TRIM14: variants seen among roughly 807,000 people sequenced by gnomAD.
TRIM14 encodes tripartite motif-containing protein 14.
A neutral mutation model predicts 44.5 loss-of-function variants in TRIM14; 28 were observed. The ratio of observed to expected loss-of-function variants is 0.63; its 90% CI spans 0.47 to 0.86. The LOEUF is 0.86. Ranked by LOEUF, TRIM14 falls within the 40% of genes least tolerant of loss-of-function variation. The pLI is 0.00. For missense variants in TRIM14, 607 were observed against 611.1 expected (o/e 0.99, Z 0.07); for synonymous variants, 299 against 269.2 (o/e 1.11, Z -1.08).
downstream of TRIM14, among the ~76,000 whole-genome samples, chr9:98,066,067 C>T (rs1829138516): frequency 6.6e-6 from 1 of 152,128 alleles, no homozygotes; most frequent in African/African-American, 2.4e-5. Flanking sequence ...GTTTTGTCAT[C>T]CCTCCTCCTC....
the TRIM14 span, among the ~76,000 whole-genome samples, chr9:98,037,407 TGAA>T: frequency 6.6e-6 from 1 of 151,548 alleles, no homozygotes; most frequent in Non-Finnish European, 1.5e-5. Flanking sequence ...AAAAAGTGGG[TGAA>T]GAAGAGGGTC....
At chr9:98,106,763 G>C (rs188290954) in intron 2 of TRIM14, among the ~76,000 whole-genome samples, 1 of 151,168 alleles carries the variant, frequency 6.6e-6, no homozygotes, top group Non-Finnish European at 1.5e-5. Flanking sequence ...TCCCCAAATT[G>C]ATAAACAGGT....
At position 98,073,625 on chromosome 9, in the gene TRIM14, C is replaced by A. The variant is rs41340647; in HGVS notation, c.*29-3938G>T. Among the ~76,000 whole-genome samples, 939 of 150,412 alleles carry A rather than the reference C, an allele frequency of 6.2e-3. 5 individuals carry two copies. Among genetic ancestry groups the A allele is most frequent in the African/African-American group, 0.022 (890 of 40,880 alleles). The stretch of plus-strand genomic sequence containing the variant: ...TTTTCCAATCCTGAAGGATCCAAAA[C>A]CTGAGGGGAGAGGAAGGGACTTTAG... On this transcript the variant is annotated intron_variant, in intron 6 of 6. Transcript: ENST00000375098.
chr9:98,087,902 G>C lies in TRIM14; in HGVS notation c.897C>G (p.Pro299=), dbSNP rs1054171094. ...GCGCGTCGAACCGCAGCACGGGCACGGGCCCCAGGCTGCCCAGCAGGCCGC... is the reference window on the plus strand; with the variant it reads ...GCGCGTCGAACCGCAGCACGGGCACCGGCCCCAGGCTGCCCAGCAGGCCGC... ...VRCGLLGSLG[P]VPVLRFDALW... is the part of the protein sequence containing the mutation. The change falls in exon 6 of 6, where the codon CCC becomes CCG. Residue 299 remains proline (P), a synonymous_variant. Transcript: ENST00000341469. 3.2e-6 allele frequency: 5 copies of C among 1,569,680 alleles called. No homozygotes were observed. Among genetic ancestry groups the C allele is most frequent in the East Asian group, 4.8e-5 (2 of 41,720 alleles).
intron 5 of TRIM14, among the ~76,000 whole-genome samples, chr9:98,088,919 G>T (rs4742715): frequency 0.55 from 83,501 of 151,384 alleles, 26,107 homozygotes; most frequent in African/African-American, 0.86. Flanking sequence ...AGTTTTTTTT[G>T]TTGTTGTTGT....
chr9:98,089,420 G>A (rs930945583), intron 5 of TRIM14, among the ~76,000 whole-genome samples: 1 of 152,052 alleles, frequency 6.6e-6, no homozygotes, highest in African/African-American at 2.4e-5. Flanking sequence ...CCGGTGATCC[G>A]CCTGCCTCAG....
the TRIM14 span, among the ~76,000 whole-genome samples, chr9:98,044,279 G>A: frequency 4.6e-5 from 7 of 151,606 alleles, no homozygotes; most frequent in South Asian, 1.5e-3. Context: ...GCCGTTGCAC[G>A]TCATGAGGGT....
chr9:98,098,293 G>C (rs1826255776), intron 3 of TRIM14, among the ~76,000 whole-genome samples: 1 of 152,192 alleles, frequency 6.6e-6, no homozygotes, highest in African/African-American at 2.4e-5. Context: ...ATTTGGCTCT[G>C]AACTTCCCAA....
At chr9:98,110,008 A>C in intron 1 of TRIM14, 24 bp from the exon 2 acceptor site, 1 of 1,583,954 alleles carries the variant, frequency 6.3e-7, no homozygotes, top group Non-Finnish European at 8.7e-7. Context: ...AGTTAGGAAA[A>C]AAGTCGTAAT....
intron 3 of TRIM14, among the ~76,000 whole-genome samples, chr9:98,097,964 G>A (rs559347331): frequency 6.6e-6 from 1 of 152,306 alleles, no homozygotes; most frequent in African/African-American, 2.4e-5. Context: ...TCAAACAGCT[G>A]ACAATGAGAC....
intron 1 of TRIM14, among the ~76,000 whole-genome samples, chr9:98,111,385 C>T (rs1386807616): frequency 1.3e-5 from 2 of 151,888 alleles, no homozygotes; most frequent in Non-Finnish European, 1.5e-5. Context: ...CCAGCCTGAG[C>T]AACATAGCTA....
intron 2 of TRIM14, among the ~76,000 whole-genome samples, chr9:98,108,496 C>T (rs907776189): frequency 3.4e-4 from 51 of 152,182 alleles, no homozygotes; most frequent in African/African-American, 1.1e-3. Context: ...AGACTAGACC[C>T]TCCACATGGG....
intron 2 of TRIM14, among the ~76,000 whole-genome samples, chr9:98,102,560 C>T (rs1353000639): frequency 6.6e-6 from 1 of 152,116 alleles, no homozygotes; most frequent in East Asian, 1.9e-4. Context: ...GACATCATCC[C>T]CAGTGAATTA....
At chr9:98,090,307 T>A (rs552343993) in intron 5 of TRIM14, among the ~76,000 whole-genome samples, 2 of 152,332 alleles carry the variant, frequency 1.3e-5, no homozygotes, top group East Asian at 3.9e-4. Context: ...AATCTCATAT[T>A]GAGTGAAAGA....
chr9:98,092,881 T>C (rs948771936), intron 4 of TRIM14, among the ~76,000 whole-genome samples: 3 of 152,224 alleles, frequency 2.0e-5, no homozygotes, highest in Non-Finnish European at 1.5e-5. Flanking sequence ...TGCTGGAGTC[T>C]CTGAGTGCAC....
downstream of TRIM14, chr9:98,084,315 G>GGACTT (rs1424302339): frequency 5.3e-5 from 8 of 152,178 alleles, no homozygotes; most frequent in Admixed American, 3.3e-4. Context: ...TGGGTGCTAG[G>GGACTT]GACTTGAAGC....
chr9:98,042,291 T>TG, the TRIM14 span, among the ~76,000 whole-genome samples: 1 of 67,626 alleles, frequency 1.5e-5, no homozygotes, highest in African/African-American at 1.5e-4. Context: ...AGACTCTGTC[T>TG]GGAAAAAAAA....
rs150990786 is a variant in TRIM14 at position 98,101,930 on chromosome 9, C to T, written c.304-1766G>A. The stretch of plus-strand genomic sequence containing the variant: ...GGCTGAGGCTTGAGAATCACTTGAG[C>T]CCGGGAGGTGGAGCTTGCAGTGAGC... On this transcript the variant is annotated intron_variant, in intron 2 of 5. Coordinates refer to ENST00000341469, the MANE Select transcript of TRIM14 (RefSeq NM_014788.4). Among the ~76,000 whole-genome samples, 861 of 150,902 alleles carry T rather than the reference C, an allele frequency of 5.7e-3. 10 individuals are homozygous for T. The highest frequency in any genetic ancestry group is 5.1e-3 in the Non-Finnish European group (343 of 67,832).
At chr9:98,048,757 C>T in the TRIM14 span, among the ~76,000 whole-genome samples, 2 of 152,164 alleles carry the variant, frequency 1.3e-5, no homozygotes, top group Non-Finnish European at 2.9e-5. Flanking sequence ...GGCATGGTAG[C>T]TCATGCCTAT....
Sources: gnomAD v4.1 joint callset for allele counts (sites outside exome capture counted in the v4.1 genomes callset) on GRCh38, gnomAD v4.1.1 for gene constraint, MANE v1.5 for transcripts, NCBI Gene and HGNC (gene_info 2026-07-23, HGNC 2026-07-21) for gene names.